The following ZCCHC9 variants were observed in gnomAD, a reference collection of about 807,000 sequenced individuals.
ZCCHC9 encodes zinc finger CCHC-type containing 9.
ZCCHC9 carries 18 observed loss-of-function variants against 30.8 expected under a neutral mutation model. That is an observed-to-expected ratio of 0.58 (90% CI 0.40 to 0.87). The LOEUF is 0.87. ZCCHC9 is among the 40% of genes least tolerant of loss of function. The pLI, the probability that ZCCHC9 is intolerant of heterozygous loss-of-function variation, is 0.00. For synonymous variants in ZCCHC9, 94 were observed against 106.7 expected (o/e 0.88, Z 0.73); for missense variants, 279 against 331.2 (o/e 0.84, Z 1.22).
intron 1 of ZCCHC9, chr5:81,301,934 C>T (rs935929601): frequency 6.6e-6 from 1 of 152,388 alleles, no homozygotes; most frequent in African/African-American, 2.4e-5. Flanking sequence ...TCCCACTTCA[C>T]CCTCTTGATA....
intron 4 of ZCCHC9, 94 bp from the exon 5 acceptor site, chr5:81,311,117 T>G: frequency 1.6e-6 from 2 of 1,242,562 alleles, no homozygotes; most frequent in Non-Finnish European, 2.4e-6. Flanking sequence ...ACTGACAGGG[T>G]TGTGAGGATC....
intron 4 of ZCCHC9, among the ~76,000 whole-genome samples, chr5:81,309,567 A>C (rs1305562722): frequency 6.6e-6 from 1 of 152,034 alleles, no homozygotes; most frequent in African/African-American, 2.4e-5. Flanking sequence ...TTTAAGGCGG[A>C]GGTTGTTATC....
At chr5:81,308,802 G>T in intron 3 of ZCCHC9, 91 bp downstream of exon 3, 1 of 1,487,814 alleles carries the variant, frequency 6.7e-7, no homozygotes, top group Non-Finnish European at 9.0e-7. Context: ...TGTTACGAGT[G>T]TGCCACTTAG....
At position 81,305,057 on chromosome 5, in the gene ZCCHC9, G is replaced by A; in HGVS notation, c.300G>A (p.Arg100=). The A allele has an allele frequency of 6.2e-7, 1 of 1,612,774 alleles. No homozygotes were observed. Among genetic ancestry groups the A allele is most frequent in the Non-Finnish European group, 8.5e-7 (1 of 1,179,750 alleles). Residue 100 remains arginine, a synonymous_variant, in exon 2 of 6, where the codon AGG becomes AGA. Transcript: ENST00000407610. ...TAGCAACAGACAGTGAGGAAGTAAG[G>A]GAAGAAATTGCAGTTGCTTTAAAGA... ...QIIATDSEEV[R]EEIAVALKKD...
At chr5:81,309,094 T>TGAGTG in intron 4 of ZCCHC9, 56 bp downstream of exon 4, 1 of 1,286,342 alleles carries the variant, frequency 7.8e-7, no homozygotes, top group Non-Finnish European at 1.1e-6. Context: ...CAGTTGTGAT[T>TGAGTG]TAATTTACAC....
rs71000814 is a variant in ZCCHC9 at position 81,310,157 on chromosome 5, T to TAAAAAAAAAAAAAAAAAA, written c.629-1048_629-1031dup. Among the ~76,000 whole-genome samples the TAAAAAAAAAAAAAAAAAA allele has an allele frequency of 7.2e-4, 75 of 104,742 alleles. 2 individuals carry two copies. In the East Asian group the frequency reaches 9.3e-3, roughly 13 times the overall value. 68.7% of individuals were successfully genotyped at this position (104,742 alleles called of 152,430 possible). ...ACTGGTCAACCAAAGTGACTAGCTG[T>TAAAAAAAAAAAAAAAAAA]AAAAAAAAAAAAAAAAAAAAAAATT... On this transcript the variant is annotated intron_variant, in intron 4 of 5. Transcript: ENST00000407610.
At chr5:81,304,387 C>T (rs999046200) in intron 1 of ZCCHC9, 1 of 158,834 alleles carries the variant, frequency 6.3e-6, no homozygotes, top group Admixed American at 6.3e-5. Context: ...AATAAACAGC[C>T]GGGAAAACTG....
intron 1 of ZCCHC9, chr5:81,302,457 T>C (rs2112865216): frequency 6.6e-6 from 1 of 152,240 alleles, no homozygotes; most frequent in African/African-American, 2.4e-5. Flanking sequence ...GGCTACAGAG[T>C]GAGACTCCGT....
rs138863062 is a variant in ZCCHC9, at chr5:81,312,285, T to C, written c.698-259T>C. 2.0e-3 allele frequency among the ~76,000 whole-genome samples: 310 copies of C among 152,318 alleles called. 2 individuals are homozygous for C. Among genetic ancestry groups the C allele is most frequent in the African/African-American group, 7.1e-3 (295 of 41,576 alleles). The stretch of plus-strand genomic sequence containing the variant: ...TGTAATGATGAACTCTGGGAAAGAA[T>C]GAAAGAGCTTTCTCATCAGTTCGTG... On this transcript the variant is annotated intron_variant, in intron 5 of 5. Coordinates refer to ENST00000407610, the MANE Select transcript of ZCCHC9 (RefSeq NM_001131035.2).
At chr5:81,306,538 A>T (rs1030687760) in intron 2 of ZCCHC9, among the ~76,000 whole-genome samples, 1 of 152,200 alleles carries the variant, frequency 6.6e-6, no homozygotes, top group African/African-American at 2.4e-5. Context: ...ACCGCTTAAG[A>T]AAAGCATTAT....
chr5:81,310,320 G>T (rs945720997), intron 4 of ZCCHC9, among the ~76,000 whole-genome samples: 1 of 152,082 alleles, frequency 6.6e-6, no homozygotes, highest in South Asian at 2.1e-4. Flanking sequence ...GAACACTTTA[G>T]TAGCAATAGA....
At position 81,312,580 on chromosome 5, in the gene ZCCHC9, T is replaced by C. The variant is rs1253210711; in HGVS notation, c.734T>C (p.Met245Thr). ...MVTVGRWAKG[M>T]SADYEEILDV... ...ACAGTTGGTCGCTGGGCAAAGGGAA[T>C]GAGTGCAGACTATGAAGAAATTTTG... is the stretch of plus-strand genomic sequence containing the variant. The change falls in exon 6 of 6, where the codon ATG becomes ACG. Residue 245 changes from methionine (M) to threonine (T), a missense_variant. Transcript: ENST00000407610. 1 of 1,613,966 alleles carries C rather than the reference T, an allele frequency of 6.2e-7. No homozygotes were observed. The highest frequency in any genetic ancestry group is 8.5e-7 in the Non-Finnish European group (1 of 1,179,864).
intron 2 of ZCCHC9, among the ~76,000 whole-genome samples, chr5:81,305,855 A>G (rs1758070272): frequency 6.6e-6 from 1 of 152,254 alleles, no homozygotes; most frequent in African/African-American, 2.4e-5. Context: ...GAAGTAGAAC[A>G]GGTTAAATGT....
intron 1 of ZCCHC9, chr5:81,302,312 A>G (rs1580487931): frequency 6.6e-6 from 1 of 152,176 alleles, no homozygotes; most frequent in African/African-American, 2.4e-5. Context: ...TCTCTACTAA[A>G]ATACAAAAAA....
intron 1 of ZCCHC9, 69 bp from the exon 2 acceptor site, chr5:81,304,672 T>G: frequency 7.2e-7 from 1 of 1,390,000 alleles, no homozygotes; most frequent in African/African-American, 1.4e-5. Context: ...TGATATAGCA[T>G]GTCTCTTTAG....
chr5:81,306,379 A>C (rs533819510), intron 2 of ZCCHC9, among the ~76,000 whole-genome samples: 15 of 152,318 alleles, frequency 9.8e-5, no homozygotes, highest in African/African-American at 3.6e-4. Flanking sequence ...CCTTATGGAT[A>C]AATTTGAATA....
intron 4 of ZCCHC9, 48 bp from the exon 5 acceptor site, chr5:81,311,163 C>T (rs757567791): frequency 2.5e-6 from 4 of 1,601,576 alleles, no homozygotes; most frequent in Non-Finnish European, 3.4e-6. Flanking sequence ...ATGTTAAAAA[C>T]CCCTTGCAAG....
chr5:81,308,921 G>A lies in ZCCHC9; in HGVS notation c.536-25G>A, dbSNP rs1348018427. 2.5e-6 allele frequency: 4 copies of A among 1,601,030 alleles called. No homozygotes were observed. In the African/African-American group the frequency reaches 5.4e-5, roughly 21 times the overall value. On this transcript the variant is annotated intron_variant, in intron 3 of 5. Transcript: ENST00000407610. Reference sequence around the variant, plus strand: ...TGACTTGCCATATGTATTGTCAACTGAATAGGAACTGTTGATTTTTACAGG... The same window carrying A: ...TGACTTGCCATATGTATTGTCAACTAAATAGGAACTGTTGATTTTTACAGG...
intron 1 of ZCCHC9, chr5:81,303,026 TTCTC>T (rs1174650544): frequency 1.3e-5 from 2 of 149,772 alleles, no homozygotes; most frequent in African/African-American, 2.5e-5. Flanking sequence ...ACGGAGTTTA[TTCTC>T]TCTGTCTCTC....
Sources: gnomAD v4.1 joint callset for allele counts (sites outside exome capture counted in the v4.1 genomes callset) on GRCh38, gnomAD v4.1.1 for gene constraint, MANE v1.5 for transcripts, NCBI Gene and HGNC (gene_info 2026-07-23, HGNC 2026-07-21) for gene names.